Variants in TMEM132B observed in about 807,000 individuals in gnomAD.
The protein encoded by TMEM132B is transmembrane protein 132B.
In TMEM132B, 18 loss-of-function variants were observed where a neutral mutation model predicts 90.8. That is an observed-to-expected ratio of 0.20 (90% CI 0.14 to 0.29). The LOEUF is 0.29. Ranked by LOEUF, TMEM132B falls within the 10% of genes least tolerant of loss-of-function variation. TMEM132B has a pLI of 1.00. For missense variants in TMEM132B, 1,096 were observed against 1,326.8 expected (o/e 0.83, Z 2.70); for synonymous variants, 504 against 523.3 (o/e 0.96, Z 0.50).
At chr12:125,577,955 C>G (rs907150118) in intron 4 of TMEM132B, among the ~76,000 whole-genome samples, 2 of 152,034 alleles carry the variant, frequency 1.3e-5, no homozygotes, top group Non-Finnish European at 1.5e-5. Context: ...CTATTGATAT[C>G]AGGTAATTTA....
chr12:125,438,095 A>C (rs1880754885), intron 3 of TMEM132B, among the ~76,000 whole-genome samples: 1 of 152,232 alleles, frequency 6.6e-6, no homozygotes, highest in African/African-American at 2.4e-5. Context: ...TTCACCTTCC[A>C]TGTAGTCTTT....
At chr12:125,561,026 A>G (rs187887539) in intron 4 of TMEM132B, among the ~76,000 whole-genome samples, 1 of 152,194 alleles carries the variant, frequency 6.6e-6, no homozygotes, top group East Asian at 1.9e-4. Context: ...TACCAGTTAT[A>G]TACCCAAAGG....
chr12:125,246,110 G>A lies in TMEM132B; in HGVS notation c.67+59244G>A, dbSNP rs1294303547. On this transcript the variant is annotated intron_variant, in intron 1 of 8. Transcript: ENST00000682704. This position sits in a 1 kb window ranked among gnomAD's most constrained non-coding sequence, Gnocchi z 4.2. ...GATCTGGGCCCTGGCAGTGACTGGC[G>A]CTGCCTCTCCAGTGATCCAGTGATC... is the stretch of plus-strand genomic sequence containing the variant. Among the ~76,000 whole-genome samples, 2 of 152,190 alleles carry A rather than the reference G, an allele frequency of 1.3e-5. No homozygotes were observed. The highest frequency in any genetic ancestry group is 2.1e-4 in the South Asian group (1 of 4,820).
chr12:125,248,857 A>C (rs933239948), intron 1 of TMEM132B, among the ~76,000 whole-genome samples: 7 of 152,000 alleles, frequency 4.6e-5, no homozygotes, highest in African/African-American at 1.7e-4. Flanking sequence ...TGCTGGTCTG[A>C]GGGTCCGCAC....
At chr12:125,595,902 T>G (rs528693503) in intron 5 of TMEM132B, among the ~76,000 whole-genome samples, 1 of 150,268 alleles carries the variant, frequency 6.7e-6, no homozygotes, top group South Asian at 2.2e-4. Context: ...TCTTGGACTA[T>G]CCACAAACTA....
At chr12:125,380,598 CA>C (rs1189845231) in intron 2 of TMEM132B, among the ~76,000 whole-genome samples, 2 of 152,204 alleles carry the variant, frequency 1.3e-5, no homozygotes, top group Non-Finnish European at 2.9e-5. Context: ...TGGAGCATGG[CA>C]TATGTTGGTG....
At chr12:125,449,530 T>C (rs1432246490) in intron 3 of TMEM132B, among the ~76,000 whole-genome samples, 1 of 152,202 alleles carries the variant, frequency 6.6e-6, no homozygotes, top group Non-Finnish European at 1.5e-5. Context: ...AAGAATTAGT[T>C]TTTCATTTTA....
chr12:125,349,203 G>C lies in TMEM132B; in HGVS notation c.68-249G>C, dbSNP rs1309749322. Among the ~76,000 whole-genome samples, 1 of 152,286 alleles carries C rather than the reference G, an allele frequency of 6.6e-6. No homozygotes were observed. The highest frequency in any genetic ancestry group is 1.5e-5 in the Non-Finnish European group (1 of 68,026). ...AGAAGCAATGTTTTCCCTTTAGAAAGATAACTGTTCACCCCCAAGACTATT... is the reference window on the plus strand; with the variant it reads ...AGAAGCAATGTTTTCCCTTTAGAAACATAACTGTTCACCCCCAAGACTATT... On this transcript the variant is annotated intron_variant, in intron 1 of 8. Transcript: ENST00000682704. This position sits in a 1 kb window ranked among gnomAD's most constrained non-coding sequence, Gnocchi z 4.1.
intron 5 of TMEM132B, among the ~76,000 whole-genome samples, chr12:125,620,646 A>G (rs1593026752): frequency 6.6e-6 from 1 of 152,370 alleles, no homozygotes; most frequent in Admixed American, 6.5e-5. Flanking sequence ...TGGGTAATTT[A>G]TAAAGGAAAG....
At position 125,661,835 on chromosome 12, in the gene TMEM132B, AC is replaced by A. The variant is rs796330828; in HGVS notation, c.*7126del. 37 of 152,380 alleles carry A rather than the reference AC, an allele frequency of 2.4e-4. No homozygotes were observed. Among genetic ancestry groups the A allele is most frequent in the African/African-American group, 8.7e-4 (36 of 41,594 alleles). The allele number at this position is 152,380 out of a possible 1,614,324, so 9.4% of individuals were successfully genotyped here. ...ACATCCACATAGCGTGTATCATGCA[AC>A]AGACCCGTGCTCTTAGAGGGAGGTA... is the stretch of plus-strand genomic sequence containing the variant. On this transcript the variant is annotated 3_prime_UTR_variant, in exon 9 of 9. Transcript: ENST00000682704.
rs1372590974 is a variant in TMEM132B, at chr12:125,213,340, G to A, written c.67+26474G>A. Among the ~76,000 whole-genome samples the A allele has an allele frequency of 6.6e-6, 1 of 152,186 alleles. No homozygotes were observed. Among genetic ancestry groups the A allele is most frequent in the Non-Finnish European group, 1.5e-5 (1 of 68,040 alleles). ...CGTTCATCTGTTAGTGGGTGTTTGG[G>A]TTGCTTCCACCTTTTGGATATTGTG... On this transcript the variant is annotated intron_variant, in intron 1 of 8. Transcript: ENST00000682704. The surrounding 1 kb of genome is among the most constrained non-coding windows in gnomAD (Gnocchi z 4.2).
At chr12:125,575,921 C>T (rs941836018) in intron 4 of TMEM132B, among the ~76,000 whole-genome samples, 5 of 152,034 alleles carry the variant, frequency 3.3e-5, no homozygotes, top group African/African-American at 4.8e-5. Context: ...GAAGTGTGAG[C>T]CTTCCAACTG....
chr12:125,281,975 C>G (rs1242194937), intron 1 of TMEM132B, among the ~76,000 whole-genome samples: 1 of 130,406 alleles, frequency 7.7e-6, no homozygotes, highest in Non-Finnish European at 1.5e-5. Context: ...TTGCAGTGAG[C>G]CGAGATTGCG....
intron 6 of TMEM132B, among the ~76,000 whole-genome samples, chr12:125,645,982 G>A (rs145808250): frequency 1.2e-3 from 187 of 152,356 alleles, no homozygotes; most frequent in Non-Finnish European, 1.9e-3. Context: ...TAGTAGAAAC[G>A]TGGGTGTTAA....
chr12:125,214,511 C>G (rs1873390796), intron 1 of TMEM132B, among the ~76,000 whole-genome samples: 1 of 152,194 alleles, frequency 6.6e-6, no homozygotes, highest in Non-Finnish European at 1.5e-5. Context: ...TCGGGCCAAG[C>G]CTAGGTCATG....
intron 1 of TMEM132B, among the ~76,000 whole-genome samples, chr12:125,319,815 G>A (rs961677514): frequency 6.6e-6 from 1 of 152,196 alleles, no homozygotes; most frequent in African/African-American, 2.4e-5. Flanking sequence ...AGGAGTTCAA[G>A]ATCAGCCTGG....
chr12:125,237,355 C>T (rs1040902601), intron 1 of TMEM132B, among the ~76,000 whole-genome samples: 3 of 152,184 alleles, frequency 2.0e-5, no homozygotes, highest in African/African-American at 7.2e-5. Context: ...TCCTGCACCG[C>T]CCCAGCCCAA....
At position 125,653,847 on chromosome 12, in the gene TMEM132B, A is replaced by C; in HGVS notation, c.2389A>C (p.Ser797Arg). ...AAATGTCAAGGTCAAATTCGAACCA[A>C]GTAGTGATGAGCACCAAGGAGGCAG... Reference protein sequence around the residue: ...KGNVKVKFEPSSDEHQGGSND... With the variant: ...KGNVKVKFEPRSDEHQGGSND... Residue 797 changes from serine to arginine, a missense_variant, in exon 9 of 9, where the codon AGT becomes CGT. Coordinates refer to ENST00000682704, the MANE Select transcript of TMEM132B (RefSeq NM_001366854.1). 2 of 1,614,218 alleles carry C rather than the reference A, an allele frequency of 1.2e-6. No individual in the cohort carries two copies. The highest frequency in any genetic ancestry group is 2.2e-5 in the South Asian group (2 of 91,084).
chr12:125,419,530 T>C (rs529011579), intron 3 of TMEM132B, among the ~76,000 whole-genome samples: 1 of 152,272 alleles, frequency 6.6e-6, no homozygotes, highest in African/African-American at 2.4e-5. Flanking sequence ...ACCCCCATGA[T>C]TCATTTACCT....
Sources: gnomAD v4.1 joint callset for allele counts (sites outside exome capture counted in the v4.1 genomes callset) on GRCh38, gnomAD v4.1.1 for gene constraint, Gnocchi (gnomAD v3.1) non-coding constraint, MANE v1.5 for transcripts, NCBI Gene and HGNC (gene_info 2026-07-23, HGNC 2026-07-21) for gene names.